Variants in PDE4D observed in about 807,000 individuals in gnomAD.
PDE4D encodes the protein 3',5'-cyclic-AMP phosphodiesterase 4D.
Under a neutral mutation model 87.4 loss-of-function variants are expected in PDE4D, and 24 were observed. The ratio of observed to expected loss-of-function variants is 0.27; its 90% CI spans 0.20 to 0.39. The LOEUF (loss-of-function observed/expected upper bound fraction) is 0.39. Ranked by LOEUF, PDE4D falls within the 10% of genes least tolerant of loss-of-function variation. The pLI is 1.00. For missense variants in PDE4D, 714 were observed against 1,041.0 expected, an observed-to-expected ratio of 0.69 and a Z score of 4.32; for synonymous variants, 384 against 383.2, an observed-to-expected ratio of 1.00 and a Z score of -0.02.
intron 1 of PDE4D, among the ~76,000 whole-genome samples, chr5:59,580,233 A>T (rs1053011091): frequency 1.1e-4 from 17 of 152,202 alleles, no homozygotes; most frequent in Non-Finnish European, 2.2e-4. Context: ...CTTCCCTAGC[A>T]ATAGATATAT....
At chr5:59,831,269 A>C (rs1367979238) in intron 1 of PDE4D, among the ~76,000 whole-genome samples, 1 of 148,510 alleles carries the variant, frequency 6.7e-6, no homozygotes, top group African/African-American at 2.5e-5. Context: ...TAGTACATGC[A>C]GATAGAATGG....
intron 1 of PDE4D, among the ~76,000 whole-genome samples, chr5:60,474,454 T>C (rs1283594037): frequency 6.6e-6 from 1 of 152,008 alleles, no homozygotes; most frequent in African/African-American, 2.4e-5. Context: ...TTGAGAGGGA[T>C]ACAAAAATTC....
intron 1 of PDE4D, among the ~76,000 whole-genome samples, chr5:59,386,808 T>C (rs1787148845): frequency 6.6e-6 from 1 of 152,116 alleles, no homozygotes. Context: ...ATCACAGGGC[T>C]TCTATTACTC....
intron 1 of PDE4D, among the ~76,000 whole-genome samples, chr5:59,743,610 G>A (rs559762018): frequency 4.8e-4 from 73 of 152,084 alleles, no homozygotes; most frequent in African/African-American, 1.7e-3. Context: ...CAACCACTAT[G>A]GAAAACAGTA....
At chr5:59,334,663 C>T (rs1006827602) in intron 1 of PDE4D, among the ~76,000 whole-genome samples, 57 of 152,054 alleles carry the variant, frequency 3.7e-4, no homozygotes, top group African/African-American at 1.3e-3. Flanking sequence ...AAAACTAGTG[C>T]CTCCCAACCA....
In PDE4D at chr5:60,233,879, A is replaced by T. The variant is rs543570734; in HGVS notation, c.-89-48192T>A. Among the ~76,000 whole-genome samples the T allele has an allele frequency of 4.6e-5, 7 of 151,924 alleles. No individual in the cohort carries two copies. In the East Asian group the frequency reaches 1.4e-3, roughly 29 times the overall value. ...GGTGAGGTTGACCTTAGGCACTCTG[A>T]CCCAAGTTGATGATCTTAACCACTC... On this transcript the variant is annotated intron_variant, in intron 1 of 16. Transcript: ENST00000502484.
At chr5:59,594,520 CA>C (rs1001968980) in intron 1 of PDE4D, among the ~76,000 whole-genome samples, 1 of 151,818 alleles carries the variant, frequency 6.6e-6, no homozygotes, top group Non-Finnish European at 1.5e-5. Flanking sequence ...GAGGTTTTAC[CA>C]CATTGGCCAT....
At chr5:59,443,490 C>T (rs1797934402) in intron 1 of PDE4D, among the ~76,000 whole-genome samples, 1 of 152,186 alleles carries the variant, frequency 6.6e-6, no homozygotes. Context: ...AAAGCATGTA[C>T]TCTCTCGTTC....
At chr5:60,316,044 G>T (rs1755555354) in intron 1 of PDE4D, among the ~76,000 whole-genome samples, 1 of 152,168 alleles carries the variant, frequency 6.6e-6, no homozygotes, top group African/African-American at 2.4e-5. Context: ...GTAGCTTGAT[G>T]GGGATGGCAT....
intron 1 of PDE4D, among the ~76,000 whole-genome samples, chr5:60,411,978 T>C (rs1742082436): frequency 2.0e-5 from 3 of 152,206 alleles, no homozygotes; most frequent in Admixed American, 2.0e-4. Context: ...AAAAGATTAA[T>C]ATTTTAAGTC....
At chr5:59,573,252 A>T (rs556195729) in intron 1 of PDE4D, among the ~76,000 whole-genome samples, 1 of 152,240 alleles carries the variant, frequency 6.6e-6, no homozygotes, top group South Asian at 2.1e-4. Flanking sequence ...CTCACCTCTA[A>T]ATTTCTGATA....
intron 1 of PDE4D, among the ~76,000 whole-genome samples, chr5:59,243,506 C>A (rs1157413155): frequency 9.0e-6 from 1 of 111,438 alleles, no homozygotes; most frequent in African/African-American, 3.5e-5. Context: ...GTTGCCCAGG[C>A]TGGAGTGCAG....
At chr5:59,172,629 G>A (rs1360878701) in intron 5 of PDE4D, among the ~76,000 whole-genome samples, 1 of 151,530 alleles carries the variant, frequency 6.6e-6, no homozygotes, top group African/African-American at 2.4e-5. Context: ...GATTGCTGGA[G>A]ACTGGGAGGC....
At chr5:59,749,096 G>A (rs1760049939) in intron 1 of PDE4D, among the ~76,000 whole-genome samples, 1 of 152,182 alleles carries the variant, frequency 6.6e-6, no homozygotes, top group African/African-American at 2.4e-5. Flanking sequence ...GGGGAAATTT[G>A]TTATATTCCA....
chr5:60,038,913 T>C (rs1220831607), intron 2 of PDE4D, among the ~76,000 whole-genome samples: 2 of 150,702 alleles, frequency 1.3e-5, no homozygotes, highest in Admixed American at 6.6e-5. Context: ...GTTAGAATGG[T>C]GATCATTAAA....
chr5:59,054,682 TAC>T (rs1762086688), intron 5 of PDE4D, among the ~76,000 whole-genome samples: 1 of 152,018 alleles, frequency 6.6e-6, no homozygotes, highest in Admixed American at 6.5e-5. Flanking sequence ...TTCGAGCCAA[TAC>T]AGAGAATTGA....
chr5:59,710,263 G>A (rs985487930), intron 1 of PDE4D, among the ~76,000 whole-genome samples: 3 of 152,214 alleles, frequency 2.0e-5, no homozygotes, highest in South Asian at 2.1e-4. Flanking sequence ...TCGTTTAGCC[G>A]AAAGTACAGG....
At chr5:60,109,190 A>G (rs1777396018) in intron 2 of PDE4D, among the ~76,000 whole-genome samples, 1 of 152,186 alleles carries the variant, frequency 6.6e-6, no homozygotes, top group Non-Finnish European at 1.5e-5. Context: ...CCCATCAAAA[A>G]GTGGGCGAAG....
chr5:59,242,071 T>C (rs1002771274), intron 1 of PDE4D, among the ~76,000 whole-genome samples: 2 of 152,186 alleles, frequency 1.3e-5, no homozygotes, highest in African/African-American at 4.8e-5. Context: ...ATGAATTTTC[T>C]ATATATGTAT....
Sources: allele counts gnomAD v4.1 joint callset (sites outside exome capture counted in the v4.1 genomes callset), GRCh38; gene constraint gnomAD v4.1.1; transcripts MANE v1.5; gene names NCBI Gene and HGNC (gene_info 2026-07-23, HGNC 2026-07-21).